The following ZKSCAN5 variants were observed in gnomAD, a reference collection of about 807,000 sequenced individuals.
The protein encoded by ZKSCAN5 is zinc finger protein with KRAB and SCAN domains 5.
Under a neutral mutation model 60.0 loss-of-function variants are expected in ZKSCAN5, and 28 were observed. That is an observed-to-expected ratio of 0.47 (90% CI 0.35 to 0.64). The LOEUF (loss-of-function observed/expected upper bound fraction) is 0.64. Ranked by LOEUF, ZKSCAN5 falls within the 30% of genes least tolerant of loss-of-function variation. The pLI is 0.01. For missense variants in ZKSCAN5, 881 were observed against 1,034.6 expected, an observed-to-expected ratio of 0.85 and a Z score of 2.04; for synonymous variants, 361 against 371.2, an observed-to-expected ratio of 0.97 and a Z score of 0.31.
chr7:99,515,591 T>C (rs1222694948), intron 3 of ZKSCAN5, among the ~76,000 whole-genome samples: 1 of 151,908 alleles, frequency 6.6e-6, no homozygotes, highest in Non-Finnish European at 1.5e-5. Context: ...CCCAGCACTT[T>C]GGGAAGCCAA....
chr7:99,515,770 G>A (rs1801237967), intron 3 of ZKSCAN5, among the ~76,000 whole-genome samples: 1 of 150,824 alleles, frequency 6.6e-6, no homozygotes, highest in South Asian at 2.1e-4. Flanking sequence ...GGAGATGGAG[G>A]TTGCAGTGAG....
chr7:99,510,927 A>G (rs931106854), intron 2 of ZKSCAN5, among the ~76,000 whole-genome samples: 1 of 152,142 alleles, frequency 6.6e-6, no homozygotes, highest in Middle Eastern at 3.4e-3. Context: ...TATTTTTAGT[A>G]GAGGTGTGGT....
intron 2 of ZKSCAN5, among the ~76,000 whole-genome samples, chr7:99,508,807 CT>C (rs1207970366): frequency 7.0e-6 from 1 of 142,666 alleles, no homozygotes; most frequent in Non-Finnish European, 1.5e-5. Flanking sequence ...TTCTTTCTTT[CT>C]TTCTTTCTTT....
Position 99,521,042 on chromosome 7 carries a change from TG to T in ZKSCAN5, c.772+739del, listed in dbSNP as rs144219960. 6.6e-3 allele frequency among the ~76,000 whole-genome samples: 999 copies of T among 152,310 alleles called. 6 individuals carry two copies. The highest frequency in any genetic ancestry group is 9.9e-3 in the Non-Finnish European group (674 of 68,020). ...CCTGGAAGCTAATATTTAATTGTAC[TG>T]TCTGGAGCAGTTATAAAAATCTCAG... On this transcript the variant is annotated intron_variant, in intron 5 of 6. Transcript: ENST00000326775.
In ZKSCAN5 at chr7:99,512,512, G is replaced by A; in HGVS notation, c.474G>A (p.Glu158=). 1 of 1,614,136 alleles carries A rather than the reference G, an allele frequency of 6.2e-7. No individual in the cohort carries two copies. Among genetic ancestry groups the A allele is most frequent in the South Asian group, 1.1e-5 (1 of 91,072 alleles). The part of the protein sequence containing the change: ...RKMATPGAVQ[E]SCSPHPLTVD... ...TGGCAACACCTGGAGCAGTGCAGGA[G>A]TCCTGCAGCCCCCATCCCCTGACCG... Residue 158 remains glutamate, a synonymous_variant, in exon 3 of 7, where the codon GAG becomes GAA. Transcript: ENST00000326775.
chr7:99,520,627 T>C (rs571525419), intron 5 of ZKSCAN5, among the ~76,000 whole-genome samples: 1 of 152,272 alleles, frequency 6.6e-6, no homozygotes, highest in South Asian at 2.1e-4. Context: ...TCCTAGCACT[T>C]TGGGAGGCCG....
intron 2 of ZKSCAN5, among the ~76,000 whole-genome samples, chr7:99,509,062 C>G (rs892996918): frequency 6.6e-6 from 1 of 152,024 alleles, no homozygotes; most frequent in Admixed American, 6.6e-5. Flanking sequence ...GATCTTGTCT[C>G]ACTGCAACCT....
At position 99,532,616 on chromosome 7, in the gene ZKSCAN5, A is replaced by C. The variant is rs552133772; in HGVS notation, c.*367A>C. 53 of 182,688 alleles carry C rather than the reference A, an allele frequency of 2.9e-4. No homozygotes were observed. Among genetic ancestry groups the C allele is most frequent in the African/African-American group, 1.2e-3 (51 of 42,464 alleles). The allele number at this position is 182,688 out of a possible 1,614,324, so 11.3% of individuals were successfully genotyped here. ...TTCAGTAGAAGTAAGCTTTATTTGT[A>C]GCTTCTGCCTTGTTTGACGGCGTAT... On this transcript the variant is annotated 3_prime_UTR_variant, in exon 7 of 7. Coordinates refer to ENST00000326775, the MANE Select transcript of ZKSCAN5 (RefSeq NM_145102.4).
rs979503325 is a variant in ZKSCAN5 at position 99,532,508 on chromosome 7, T to C, written c.*259T>C. Reference sequence around the variant, plus strand: ...CAAGAAGAGAATCCATGGATGGACATGGTCGAGGAATTCGGAAAGCCTGCA... The same window carrying C: ...CAAGAAGAGAATCCATGGATGGACACGGTCGAGGAATTCGGAAAGCCTGCA... On this transcript the variant is annotated 3_prime_UTR_variant, in exon 7 of 7. Coordinates refer to ENST00000326775, the MANE Select transcript of ZKSCAN5 (RefSeq NM_145102.4). 30 of 343,608 alleles carry C rather than the reference T, an allele frequency of 8.7e-5. No individual in the cohort carries two copies. The highest frequency in any genetic ancestry group is 1.6e-4 in the Non-Finnish European group (30 of 191,398). 21.3% of individuals were successfully genotyped at this position (343,608 alleles called of 1,614,324 possible).
chr7:99,505,929 C>T, intron 1 of ZKSCAN5, 76 bp from the exon 2 acceptor site: 1 of 1,241,426 alleles, frequency 8.1e-7, no homozygotes, highest in Non-Finnish European at 1.1e-6. Flanking sequence ...TAATGATGCC[C>T]AATACATCAG....
Position 99,532,306 on chromosome 7 carries a change from G to C in ZKSCAN5, c.*57G>C, listed in dbSNP as rs1191610851. 1 of 1,465,178 alleles carries C rather than the reference G, an allele frequency of 6.8e-7. No homozygotes were observed. Among genetic ancestry groups the C allele is most frequent in the African/African-American group, 1.4e-5 (1 of 70,814 alleles). 90.8% of individuals were successfully genotyped at this position (1,465,178 alleles called of 1,614,324 possible). A position where few individuals can be genotyped will look rare whatever the true frequency, so the allele number is the denominator to read the frequency against. The stretch of plus-strand genomic sequence containing the variant: ...GAGGGAAACCATACTCCTATAATGA[G>C]CAAAGTAACAACTTCAAGCATTTTT... On this transcript the variant is annotated 3_prime_UTR_variant, in exon 7 of 7. Coordinates refer to ENST00000326775, the MANE Select transcript of ZKSCAN5 (RefSeq NM_145102.4).
chr7:99,526,341 A>G lies in ZKSCAN5; in HGVS notation c.1301A>G (p.Glu434Gly). 6.2e-7 allele frequency: 1 copy of G among 1,608,466 alleles called. No individual in the cohort carries two copies. Among genetic ancestry groups the G allele is most frequent in the Non-Finnish European group, 8.5e-7 (1 of 1,180,008 alleles). The change falls in exon 6 of 7, where the codon GAG (glutamate) becomes GGG (glycine). Residue 434 changes from glutamate (E) to glycine (G), a missense_variant. This residue lies in a region of ZKSCAN5 where 490 missense variants were observed against 554.5 expected (regional missense o/e 0.88). Coordinates refer to ENST00000326775, the MANE Select transcript of ZKSCAN5 (RefSeq NM_145102.4). ...HSGERPYGCNECGKNFGRHSH... is the reference protein window; with the variant it reads ...HSGERPYGCNGCGKNFGRHSH... ...GGAGAGAGGCCCTATGGCTGCAATG[A>G]GTGTGGGAAGAACTTCGGTCGCCAT... is the stretch of plus-strand genomic sequence containing the variant.
chr7:99,524,459 G>A (rs968556696), intron 5 of ZKSCAN5, among the ~76,000 whole-genome samples: 1 of 152,046 alleles, frequency 6.6e-6, no homozygotes. Flanking sequence ...TGAACCGCCC[G>A]CCTTGGCTTC....
At chr7:99,521,523 C>G (rs1801540066) in intron 5 of ZKSCAN5, among the ~76,000 whole-genome samples, 2 of 152,142 alleles carry the variant, frequency 1.3e-5, no homozygotes, top group Admixed American at 1.3e-4. Flanking sequence ...TTTTGAAAAA[C>G]ATTATGTCAG....
chr7:99,512,921 C>T (rs541087355), intron 3 of ZKSCAN5, among the ~76,000 whole-genome samples: 17 of 151,514 alleles, frequency 1.1e-4, no homozygotes, highest in African/African-American at 3.4e-4. Flanking sequence ...TTGTGTGCTG[C>T]ACCCACTAAC....
chr7:99,505,344 C>CGGGGAGCTTGATGTTCCA (rs1800671608), intron 1 of ZKSCAN5: 2 of 151,864 alleles, frequency 1.3e-5, no homozygotes, highest in Non-Finnish European at 2.9e-5. Context: ...GCCTCGGCTG[C>CGGGGAGCTTGATGTTCCA]GGGGAGCTTG....
At chr7:99,515,897 A>G (rs1801245009) in intron 3 of ZKSCAN5, among the ~76,000 whole-genome samples, 1 of 151,952 alleles carries the variant, frequency 6.6e-6, no homozygotes, top group African/African-American at 2.4e-5. Flanking sequence ...GATTTGTCCA[A>G]GGTCACAAAG....
chr7:99,513,195 C>T (rs1214220597), intron 3 of ZKSCAN5, among the ~76,000 whole-genome samples: 2 of 152,006 alleles, frequency 1.3e-5, no homozygotes, highest in East Asian at 1.9e-4. Context: ...CCATGGTGTA[C>T]TGCCACATTT....
chr7:99,529,887 C>T (rs1030725910), intron 6 of ZKSCAN5, among the ~76,000 whole-genome samples: 1 of 151,818 alleles, frequency 6.6e-6, no homozygotes, highest in African/African-American at 2.4e-5. Context: ...GGGCACCCAC[C>T]ACCATGCCCA....
Sources: allele counts gnomAD v4.1 joint callset (sites outside exome capture counted in the v4.1 genomes callset), GRCh38; gene constraint gnomAD v4.1.1; regional missense constraint gnomAD v4.1.1; transcripts MANE v1.5; gene names NCBI Gene and HGNC (gene_info 2026-07-23, HGNC 2026-07-21).